Variants in ITPKB observed in about 807,000 individuals in gnomAD.
ITPKB encodes the protein inositol-trisphosphate 3-kinase B.
In ITPKB, 13 loss-of-function variants were observed where a neutral mutation model predicts 69.4. The observed-to-expected ratio is 0.19, with a 90% CI of 0.12 to 0.30. The LOEUF is 0.30. ITPKB is among the 10% of genes least tolerant of loss of function. The probability of loss-of-function intolerance (pLI) is 1.00; values close to 1 mark genes in which losing one functional copy is unlikely to be tolerated. For missense variants in ITPKB, 1,240 were observed against 1,250.5 expected, an observed-to-expected ratio of 0.99 and a Z score of 0.13; for synonymous variants, 584 against 513.7, an observed-to-expected ratio of 1.14 and a Z score of -1.85.
At chr1:226,697,122 C>A (rs1656508065) in intron 2 of ITPKB, among the ~76,000 whole-genome samples, 1 of 152,216 alleles carries the variant, frequency 6.6e-6, no homozygotes, top group African/African-American at 2.4e-5. Context: ...AAGCAGAAAC[C>A]TGGGCAAGCG....
At chr1:226,670,807 A>AG (rs1669601093) in intron 2 of ITPKB, among the ~76,000 whole-genome samples, 2 of 152,250 alleles carry the variant, frequency 1.3e-5, no homozygotes, top group Admixed American at 6.5e-5. Context: ...CTTTTGAATA[A>AG]GGTAGAATAC....
chr1:226,645,196 G>A (rs1669038411), intron 4 of ITPKB, among the ~76,000 whole-genome samples: 1 of 152,242 alleles, frequency 6.6e-6, no homozygotes, highest in Admixed American at 6.5e-5. Context: ...GGAACAAGAA[G>A]GGTCCTTAGG....
intron 5 of ITPKB, among the ~76,000 whole-genome samples, chr1:226,640,436 G>A (rs1668934870): frequency 6.6e-6 from 1 of 152,194 alleles, no homozygotes; most frequent in Non-Finnish European, 1.5e-5. Context: ...GCAGGACCTG[G>A]GGCTGAGGGA....
chr1:226,661,738 A>G (rs1571846418), intron 2 of ITPKB, among the ~76,000 whole-genome samples: 1 of 152,182 alleles, frequency 6.6e-6, no homozygotes, highest in African/African-American at 2.4e-5. Flanking sequence ...AGGCAGATAC[A>G]TTTTGCATAC....
intron 2 of ITPKB, among the ~76,000 whole-genome samples, chr1:226,698,079 T>G (rs1317541798): frequency 6.6e-6 from 1 of 152,264 alleles, no homozygotes; most frequent in African/African-American, 2.4e-5. Context: ...AATCTTGTTT[T>G]CTGTCCCCTA....
At chr1:226,709,988 C>T (rs2102636095) in intron 2 of ITPKB, among the ~76,000 whole-genome samples, 1 of 152,250 alleles carries the variant, frequency 6.6e-6, no homozygotes, top group Admixed American at 6.5e-5. Context: ...TCATAACTAC[C>T]TGGGAAGAAA....
At chr1:226,663,783 C>T (rs553853672) in intron 2 of ITPKB, among the ~76,000 whole-genome samples, 1 of 152,192 alleles carries the variant, frequency 6.6e-6, no homozygotes, top group East Asian at 1.9e-4. Context: ...ATCCACCCCC[C>T]ACGGCCTCTC....
At chr1:226,700,272 C>A (rs908617274) in intron 2 of ITPKB, among the ~76,000 whole-genome samples, 6 of 151,968 alleles carry the variant, frequency 3.9e-5, no homozygotes, top group Non-Finnish European at 1.5e-5. Flanking sequence ...AGATCGAGAC[C>A]ATCCTGGCCA....
At position 226,647,271 on chromosome 1, in the gene ITPKB, G is replaced by C; in HGVS notation, c.2142C>G (p.Ala714=). The C allele has an allele frequency of 6.2e-7, 1 of 1,614,214 alleles. No homozygotes were observed. Among genetic ancestry groups the C allele is most frequent in the Non-Finnish European group, 8.5e-7 (1 of 1,180,004 alleles). ...MVDVLRPFVP[A]YHGDVVKDGE... ...CGTCCTTCACCACATCCCCATGGTA[G>C]GCAGGTACGAAGGGCCTCAGCACAT... Residue 714 remains alanine (A), a synonymous_variant, in exon 4 of 8, where the codon GCC becomes GCG. Transcript: ENST00000429204.
chr1:226,662,769 A>G (rs930989855), intron 2 of ITPKB, among the ~76,000 whole-genome samples: 2 of 152,264 alleles, frequency 1.3e-5, no homozygotes, highest in Non-Finnish European at 2.9e-5. Flanking sequence ...GGTGCAATTC[A>G]TATTTCTGAC....
chr1:226,687,631 T>A (rs1447838183), intron 2 of ITPKB, among the ~76,000 whole-genome samples: 3 of 152,200 alleles, frequency 2.0e-5, no homozygotes, highest in Non-Finnish European at 4.4e-5. Context: ...AGGGGTTCCA[T>A]GAAACTGCAG....
intron 2 of ITPKB, among the ~76,000 whole-genome samples, chr1:226,701,871 C>T (rs912021654): frequency 4.6e-5 from 7 of 152,010 alleles, no homozygotes; most frequent in Non-Finnish European, 7.3e-5. Context: ...AGCATCAGCA[C>T]TCCCTAATTC....
At chr1:226,664,505 A>G (rs1669461074) in intron 2 of ITPKB, among the ~76,000 whole-genome samples, 1 of 152,192 alleles carries the variant, frequency 6.6e-6, no homozygotes, top group Non-Finnish European at 1.5e-5. Flanking sequence ...CCCAGGGAGA[A>G]GGACTCCAGA....
At chr1:226,659,385 A>G (rs1333752352) in intron 2 of ITPKB, among the ~76,000 whole-genome samples, 1 of 152,052 alleles carries the variant, frequency 6.6e-6, no homozygotes, top group Non-Finnish European at 1.5e-5. Flanking sequence ...TCCGGGATAC[A>G]GAGCCACCCC....
chr1:226,676,015 G>C (rs1389258279), intron 2 of ITPKB: 1 of 152,124 alleles, frequency 6.6e-6, no homozygotes, highest in East Asian at 1.9e-4. Flanking sequence ...TTTGACTCTG[G>C]GCTCTGTGCT....
intron 2 of ITPKB, among the ~76,000 whole-genome samples, chr1:226,655,811 G>C (rs1669276276): frequency 6.6e-6 from 1 of 152,176 alleles, no homozygotes; most frequent in African/African-American, 2.4e-5. Context: ...AGTGCAATTT[G>C]GGGTGGGTAG....
intron 2 of ITPKB, among the ~76,000 whole-genome samples, chr1:226,663,346 G>A (rs1246032509): frequency 6.6e-6 from 1 of 152,066 alleles, no homozygotes; most frequent in Non-Finnish European, 1.5e-5. Context: ...TCCTAGGTTT[G>A]TGTCCCAATC....
At chr1:226,703,390 T>C (rs1446647552) in intron 2 of ITPKB, among the ~76,000 whole-genome samples, 2 of 152,214 alleles carry the variant, frequency 1.3e-5, no homozygotes, top group Non-Finnish European at 2.9e-5. Flanking sequence ...CGCCCGACGC[T>C]GGCTGGCCGA....
chr1:226,723,883 C>A (rs1657322579), intron 2 of ITPKB, among the ~76,000 whole-genome samples: 1 of 152,084 alleles, frequency 6.6e-6, no homozygotes, highest in African/African-American at 2.4e-5. Flanking sequence ...TGAGGCCTCT[C>A]CTGCAACTAA....
Sources: gnomAD v4.1 joint callset for allele counts (sites outside exome capture counted in the v4.1 genomes callset) on GRCh38, gnomAD v4.1.1 for gene constraint, MANE v1.5 for transcripts, NCBI Gene and HGNC (gene_info 2026-07-23, HGNC 2026-07-21) for gene names.